The following MAP3K13 variants were observed in gnomAD, a reference collection of about 807,000 sequenced individuals.
The protein encoded by MAP3K13 is leucine zipper-bearing kinase.
A neutral mutation model predicts 104.0 loss-of-function variants in MAP3K13; 52 were observed. The observed-to-expected ratio is 0.50, with a 90% CI of 0.40 to 0.63. The LOEUF (loss-of-function observed/expected upper bound fraction) is 0.63, where lower values mean the gene tolerates loss of function less well. Ranked by LOEUF, MAP3K13 falls within the 20% of genes least tolerant of loss-of-function variation. The pLI is 0.00. For missense variants in MAP3K13, 914 were observed against 1,218.5 expected, an observed-to-expected ratio of 0.75 and a Z score of 3.72; for synonymous variants, 394 against 442.2, an observed-to-expected ratio of 0.89 and a Z score of 1.37.
intron 2 of MAP3K13, among the ~76,000 whole-genome samples, chr3:185,319,389 C>A (rs996287365): frequency 1.3e-5 from 2 of 152,188 alleles, no homozygotes; most frequent in African/African-American, 4.8e-5. Context: ...TCTTGTGTCA[C>A]GGCACACATA....
chr3:185,435,563 C>T (rs139834869), intron 2 of MAP3K13, among the ~76,000 whole-genome samples: 7 of 152,204 alleles, frequency 4.6e-5, no homozygotes, highest in Non-Finnish European at 1.0e-4. Context: ...AATTTGTCAG[C>T]TATTTGTATT....
rs1363289741 is a variant in MAP3K13 at position 185,454,375 on chromosome 3, A to G, written c.1278+2980A>G. On this transcript the variant is annotated intron_variant, in intron 7 of 13. Coordinates refer to ENST00000265026, the MANE Select transcript of MAP3K13 (RefSeq NM_004721.5). Reference sequence around the variant, plus strand: ...TATGAGATATATATGAGATATATATATGAGATATATGAGATATATATGAGA... The same window carrying G: ...TATGAGATATATATGAGATATATATGTGAGATATATGAGATATATATGAGA... Among the ~76,000 whole-genome samples, 4 of 109,278 alleles carry G rather than the reference A, an allele frequency of 3.7e-5. 1 individual carries two copies. The East Asian group carries it at 9.8e-4, about 27-fold the overall frequency. The allele number at this position is 109,278 out of a possible 152,430, so 71.7% of individuals were successfully genotyped here. A position where few individuals can be genotyped will look rare whatever the true frequency, so the allele number is the denominator to read the frequency against.
chr3:185,319,664 T>C (rs1375617650), intron 2 of MAP3K13, among the ~76,000 whole-genome samples: 3 of 152,252 alleles, frequency 2.0e-5, no homozygotes, highest in Non-Finnish European at 4.4e-5. Context: ...ATTAATTATT[T>C]CACTTAACTG....
intron 2 of MAP3K13, among the ~76,000 whole-genome samples, chr3:185,311,377 A>G (rs1401727048): frequency 6.6e-6 from 1 of 152,160 alleles, no homozygotes; most frequent in Non-Finnish European, 1.5e-5. Flanking sequence ...CTCATAAGAG[A>G]TTATTCACTA....
At chr3:185,454,880 T>TGATATATATGAGATATATAC (rs1560117751) in intron 7 of MAP3K13, among the ~76,000 whole-genome samples, 1 of 53,640 alleles carries the variant, frequency 1.9e-5, no homozygotes, top group Admixed American at 3.1e-4. Flanking sequence ...GAGATATATA[T>TGATATATATGAGATATATAC]ATGATATATA....
At chr3:185,303,625 C>G (rs1177569158) in intron 2 of MAP3K13, among the ~76,000 whole-genome samples, 1 of 151,728 alleles carries the variant, frequency 6.6e-6, no homozygotes, top group Non-Finnish European at 1.5e-5. Context: ...TCATAGTACT[C>G]TCTTACAATC....
chr3:185,363,474 G>A, intron 1 of MAP3K13, 106 bp downstream of exon 1: 2 of 521,114 alleles, frequency 3.8e-6, no homozygotes, highest in South Asian at 8.3e-5. Context: ...TATTGAGGGC[G>A]ACACCGTGAG....
Position 185,443,461 on chromosome 3 carries a change from G to T in MAP3K13, c.676G>T (p.Ala226Ser), listed in dbSNP as rs1305086482. The T allele has an allele frequency of 3.1e-6, 5 of 1,612,826 alleles. No individual in the cohort carries two copies. The African/African-American group carries it at 4.0e-5, about 13-fold the overall frequency. Reference protein sequence around the residue: ...IIAFKGVCTQAPCYCIIMEYC... With the variant: ...IIAFKGVCTQSPCYCIIMEYC... ...TCTTGGAAGGGGTGTTTGTACTCAG[G>T]CCCCATGTTATTGTATTATCATGGA... The change falls in exon 4 of 14, where the codon GCC becomes TCC. Residue 226 changes from alanine (A) to serine (S), a missense_variant. This residue lies in a region of MAP3K13 where 175 missense variants were observed against 321.3 expected (regional missense o/e 0.54). Transcript: ENST00000265026.
At chr3:185,413,048 T>C (rs558020073) in intron 1 of MAP3K13, among the ~76,000 whole-genome samples, 1 of 152,368 alleles carries the variant, frequency 6.6e-6, no homozygotes, top group African/African-American at 2.4e-5. Context: ...CTCTGGTTCC[T>C]TTTAGACACA....
At chr3:185,476,070 C>T (rs1284419552) in intron 11 of MAP3K13, among the ~76,000 whole-genome samples, 1 of 152,146 alleles carries the variant, frequency 6.6e-6, no homozygotes, top group Non-Finnish European at 1.5e-5. Flanking sequence ...ACCAATTTTA[C>T]AACACTTTTA....
chr3:185,304,167 G>T (rs758941296), intron 2 of MAP3K13, among the ~76,000 whole-genome samples: 1 of 152,202 alleles, frequency 6.6e-6, no homozygotes, highest in Non-Finnish European at 1.5e-5. Context: ...GTTTCCTTGT[G>T]ATTGGAAAAG....
chr3:185,293,632 C>T (rs1314045973), intron 2 of MAP3K13, among the ~76,000 whole-genome samples: 7 of 152,098 alleles, frequency 4.6e-5, no homozygotes, highest in Non-Finnish European at 1.0e-4. Context: ...ATCATGTTAC[C>T]CAGGCTGGTC....
intron 2 of MAP3K13, among the ~76,000 whole-genome samples, chr3:185,296,301 A>G (rs1394742556): frequency 6.6e-6 from 1 of 152,144 alleles, no homozygotes; most frequent in Non-Finnish European, 1.5e-5. Flanking sequence ...TATGAGCCCA[A>G]GTCCTTATAA....
chr3:185,299,898 A>C (rs1008341689), intron 2 of MAP3K13, among the ~76,000 whole-genome samples: 3 of 152,188 alleles, frequency 2.0e-5, no homozygotes, highest in African/African-American at 7.2e-5. Context: ...ATTTTTAAAG[A>C]TACAGTACAG....
Position 185,363,368 on chromosome 3 carries a change from T to A in MAP3K13, c.-86T>A, listed in dbSNP as rs1228979307. On this transcript the variant is annotated splice_region_variant and 5_prime_UTR_variant, in exon 1 of 14. It introduces an in-frame stop codon into an upstream open reading frame of the 5' UTR. Coordinates refer to ENST00000265026, the MANE Select transcript of MAP3K13 (RefSeq NM_004721.5). ...AGCATGTGTAGGAATTCTTCGTTGT[T>A]GTGAGTATTGCACTCTGTTTTTCCT... 1.0e-6 allele frequency: 1 copy of A among 982,826 alleles called. No homozygotes were observed. Among genetic ancestry groups the A allele is most frequent in the Middle Eastern group, 5.2e-4 (1 of 1,936 alleles). 60.9% of individuals were successfully genotyped at this position (982,826 alleles called of 1,614,324 possible).
intron 1 of MAP3K13, among the ~76,000 whole-genome samples, chr3:185,386,001 TA>T (rs58244615): frequency 0.32 from 47,444 of 146,780 alleles, 7,499 homozygotes; most frequent in East Asian, 0.43. Context: ...GACCCTATCT[TA>T]AAAAAAAAAA....
At chr3:185,382,768 G>A (rs2108760337) in intron 1 of MAP3K13, among the ~76,000 whole-genome samples, 1 of 152,290 alleles carries the variant, frequency 6.6e-6, no homozygotes, top group East Asian at 1.9e-4. Flanking sequence ...ACTTTGGGTA[G>A]GCCGAGGCGG....
At chr3:185,290,477 A>T (rs1301411094) in intron 2 of MAP3K13, among the ~76,000 whole-genome samples, 1 of 152,164 alleles carries the variant, frequency 6.6e-6, no homozygotes, top group Non-Finnish European at 1.5e-5. Context: ...TCTAATCATA[A>T]CATGAAGTGA....
chr3:185,473,270 G>A lies in MAP3K13; in HGVS notation c.1939G>A (p.Ala647Thr), dbSNP rs1482706481. The change falls in exon 11 of 14, where the codon GCC (alanine) becomes ACC (threonine). Residue 647 changes from alanine to threonine, a missense_variant. Around this residue, in one of 3 missense-constraint regions of MAP3K13, gnomAD observed 583 missense variants for 737.4 expected, o/e 0.79. Coordinates refer to ENST00000265026, the MANE Select transcript of MAP3K13 (RefSeq NM_004721.5). The surrounding 1 kb of genome is among the most constrained non-coding windows in gnomAD (Gnocchi z 4.9). Reference protein sequence around the residue: ...LQQQYQQPPPAMSQSHHPRLN... With the variant: ...LQQQYQQPPPTMSQSHHPRLN... Reference sequence around the variant, plus strand: ...GCAGCAATACCAGCAGCCCCCTCCTGCCATGTCCCAGAGTCACCATCCCAG... The same window carrying A: ...GCAGCAATACCAGCAGCCCCCTCCTACCATGTCCCAGAGTCACCATCCCAG... 5 of 1,614,140 alleles carry A rather than the reference G, an allele frequency of 3.1e-6. No individual in the cohort carries two copies. The highest frequency in any genetic ancestry group is 4.5e-5 in the East Asian group (2 of 44,882).
Sources: gnomAD v4.1 joint callset for allele counts (sites outside exome capture counted in the v4.1 genomes callset) on GRCh38, gnomAD v4.1.1 for gene constraint, gnomAD v4.1.1 regional missense constraint, Gnocchi (gnomAD v3.1) non-coding constraint, MANE v1.5 for transcripts, NCBI Gene and HGNC (gene_info 2026-07-23, HGNC 2026-07-21) for gene names.